The following DTL variants were observed in gnomAD, a reference collection of about 807,000 sequenced individuals.
DTL encodes denticleless E3 ubiquitin protein ligase adapter, also known as denticleless protein homolog.
A neutral mutation model predicts 87.0 loss-of-function variants in DTL; 46 were observed. The observed-to-expected ratio is 0.53, with a 90% CI of 0.42 to 0.68. The LOEUF (loss-of-function observed/expected upper bound fraction) is 0.68, where lower values mean the gene tolerates loss of function less well. Among genes scored for constraint, DTL ranks in the 30% least tolerant of loss-of-function variants. DTL has a pLI of 0.00. For missense variants in DTL, 737 were observed against 869.4 expected (o/e 0.85, Z 1.91); for synonymous variants, 308 against 311.2 (o/e 0.99, Z 0.11).
chr1:212,088,486 G>A (rs997622509), intron 13 of DTL, among the ~76,000 whole-genome samples: 1 of 152,234 alleles, frequency 6.6e-6, no homozygotes, highest in Non-Finnish European at 1.5e-5. Context: ...ACAGCCATTA[G>A]CTGTGTAAAC....
chr1:212,050,385 A>T (rs1667931344), intron 5 of DTL, among the ~76,000 whole-genome samples: 1 of 152,228 alleles, frequency 6.6e-6, no homozygotes. Flanking sequence ...ACTAAAAGCA[A>T]AGAAAATGGA....
intron 11 of DTL, among the ~76,000 whole-genome samples, chr1:212,075,004 T>C (rs1437593997): frequency 6.6e-6 from 1 of 152,196 alleles, no homozygotes; most frequent in Non-Finnish European, 1.5e-5. Flanking sequence ...TTTCTCTGGT[T>C]TGTTTCTGAT....
intron 13 of DTL, among the ~76,000 whole-genome samples, chr1:212,089,800 CA>C (rs1446073782): frequency 6.6e-6 from 1 of 152,162 alleles, no homozygotes; most frequent in Non-Finnish European, 1.5e-5. Context: ...GTAAATACTC[CA>C]GTGTGTGCCA....
rs368813329 is a variant in DTL at position 212,060,542 on chromosome 1, C to T, written c.461-2342C>T. Among the ~76,000 whole-genome samples the T allele has an allele frequency of 3.2e-4, 48 of 152,110 alleles. 1 individual carries two copies. The highest frequency in any genetic ancestry group is 9.9e-4 in the African/African-American group (41 of 41,508). On this transcript the variant is annotated intron_variant, in intron 5 of 14. Coordinates refer to ENST00000366991, the MANE Select transcript of DTL (RefSeq NM_016448.4). The stretch of plus-strand genomic sequence containing the variant: ...CCTGAGCTCAGGAGTTCAAGACCAG[C>T]CTGGGCAACATGGCAAAACCCCACC...
At chr1:212,094,857 A>C (rs1655399094) in intron 13 of DTL, among the ~76,000 whole-genome samples, 1 of 152,076 alleles carries the variant, frequency 6.6e-6, no homozygotes, top group African/African-American at 2.4e-5. Flanking sequence ...CAGCTATTGT[A>C]AAAGGGGTTG....
At chr1:212,085,683 G>A (rs1270678957) in intron 13 of DTL, among the ~76,000 whole-genome samples, 1 of 152,048 alleles carries the variant, frequency 6.6e-6, no homozygotes, top group African/African-American at 2.4e-5. Context: ...TGTCACTTAT[G>A]CTTTTGATGT....
intron 1 of DTL, among the ~76,000 whole-genome samples, chr1:212,037,591 AT>A (rs1200699720): frequency 1.3e-5 from 2 of 152,240 alleles, no homozygotes; most frequent in Non-Finnish European, 2.9e-5. Context: ...TCAGTGGCAT[AT>A]TTTGGTCACA....
chr1:212,044,763 G>A lies in DTL; in HGVS notation c.277+5G>A. 1.9e-6 allele frequency: 3 copies of A among 1,572,026 alleles called. No individual in the cohort carries two copies. Among genetic ancestry groups the A allele is most frequent in the Non-Finnish European group, 2.6e-6 (3 of 1,151,446 alleles). ...TCAGAAAGAAGTGCTTCAAAGGTAA[G>A]TCTAGGTCTACAATTTTTGTTTTAA... On this transcript the variant is annotated splice_donor_5th_base_variant and intron_variant, in intron 3 of 14. Transcript: ENST00000366991.
At chr1:212,090,377 T>G (rs1481681416) in intron 13 of DTL, among the ~76,000 whole-genome samples, 1 of 152,360 alleles carries the variant, frequency 6.6e-6, no homozygotes, top group African/African-American at 2.4e-5. Flanking sequence ...AGAGATTGCA[T>G]TTTTATATCA....
intron 2 of DTL, among the ~76,000 whole-genome samples, chr1:212,043,976 C>T (rs191348218): frequency 6.6e-6 from 1 of 152,284 alleles, no homozygotes; most frequent in African/African-American, 2.4e-5. Flanking sequence ...GTAGTCCCAG[C>T]TACTGGGGAG....
At chr1:212,046,675 T>G (rs2102529895) in intron 3 of DTL, among the ~76,000 whole-genome samples, 1 of 152,384 alleles carries the variant, frequency 6.6e-6, no homozygotes, top group South Asian at 2.1e-4. Flanking sequence ...CACATTTTCT[T>G]TATCCAATCT....
intron 5 of DTL, 112 bp downstream of exon 5, chr1:212,047,529 T>G (rs1667841634): frequency 7.3e-7 from 1 of 1,364,912 alleles, no homozygotes; most frequent in Non-Finnish European, 1.0e-6. Flanking sequence ...TTTACCTACA[T>G]AGATGATTAA....
Position 212,100,914 on chromosome 1 carries a change from C to A in DTL, c.1924C>A (p.Pro642Thr), listed in dbSNP as rs1655604111. 6.2e-7 allele frequency: 1 copy of A among 1,614,044 alleles called. No individual in the cohort carries two copies. The highest frequency in any genetic ancestry group is 8.5e-7 in the Non-Finnish European group (1 of 1,180,028). ...TGGAACGCTACCTCTTCCTTTGAGA[C>A]CTTGTGGAGAAGGGTCTGAAATGGT... ...SCGTLPLPLR[P>T]CGEGSEMVGK... The change falls in exon 14 of 15, where the codon CCT becomes ACT. Residue 642 changes from proline (P) to threonine (T), a missense_variant. By Grantham distance (38) the Pro-to-Thr change is conservative (BLOSUM62 -1). Transcript: ENST00000366991.
intron 5 of DTL, among the ~76,000 whole-genome samples, chr1:212,054,405 C>CAA (rs1156668636): frequency 3.8e-5 from 5 of 131,474 alleles, no homozygotes; most frequent in South Asian, 2.4e-4. Flanking sequence ...AAACCACACA[C>CAA]ACAAAAAAAA....
intron 13 of DTL, among the ~76,000 whole-genome samples, chr1:212,093,892 G>C (rs1384923784): frequency 2.0e-5 from 3 of 152,098 alleles, no homozygotes; most frequent in Non-Finnish European, 4.4e-5. Flanking sequence ...ACCTTCTTCT[G>C]CCCAACACTT....
intron 11 of DTL, among the ~76,000 whole-genome samples, 152 bp from the exon 12 acceptor site, chr1:212,078,016 AAATCT>A (rs1423271198): frequency 1.9e-5 from 1 of 51,402 alleles, no homozygotes; most frequent in African/African-American, 6.8e-5. Flanking sequence ...TGCCCATTGG[AAATCT>A]GTTGTTTTTT....
chr1:212,070,736 G>A (rs188103083), intron 10 of DTL, among the ~76,000 whole-genome samples: 2 of 152,134 alleles, frequency 1.3e-5, no homozygotes, highest in East Asian at 1.9e-4. Flanking sequence ...TTTGTATTAT[G>A]GTGTTTATAT....
intron 13 of DTL, among the ~76,000 whole-genome samples, chr1:212,084,193 C>A (rs1655063354): frequency 9.7e-6 from 1 of 102,996 alleles, no homozygotes; most frequent in Non-Finnish European, 2.0e-5. Flanking sequence ...TTTTTAATTT[C>A]TTTTTTTCTT....
intron 7 of DTL, 64 bp from the exon 8 acceptor site, chr1:212,066,748 G>C: frequency 6.6e-7 from 1 of 1,509,918 alleles, no homozygotes; most frequent in South Asian, 1.2e-5. Context: ...TTAGCACCTT[G>C]TTCCCTTGAT....
Sources: allele counts gnomAD v4.1 joint callset (sites outside exome capture counted in the v4.1 genomes callset), GRCh38; gene constraint gnomAD v4.1.1; transcripts MANE v1.5; gene names NCBI Gene and HGNC (gene_info 2026-07-23, HGNC 2026-07-21).